The following CPLX1 variants were observed in gnomAD, a reference collection of about 807,000 sequenced individuals.
CPLX1 encodes the protein complexin-1.
CPLX1 carries 6 observed loss-of-function variants against 15.6 expected under a neutral mutation model. The ratio of observed to expected loss-of-function variants is 0.39; its 90% confidence interval spans 0.21 to 0.76. The LOEUF (loss-of-function observed/expected upper bound fraction) is 0.76. Among genes scored for constraint, CPLX1 ranks in the 30% least tolerant of loss-of-function variants. The pLI is 0.43. For missense variants in CPLX1, 242 were observed against 188.6 expected (o/e 1.28, Z -1.66); for synonymous variants, 91 against 75.2 (o/e 1.21, Z -1.08).
chr4:807,796 T>A (rs534072567), intron 2 of CPLX1, among the ~76,000 whole-genome samples: 222 of 152,286 alleles, frequency 1.5e-3, no homozygotes, highest in African/African-American at 4.8e-3. Flanking sequence ...AAATTTTTTT[T>A]AAAACAGAGA....
At position 806,136 on chromosome 4, in the gene CPLX1, T is replaced by A. The variant is rs74434767; in HGVS notation, c.32-13528A>T. On this transcript the variant is annotated intron_variant, in intron 2 of 3. Coordinates refer to ENST00000304062, the MANE Select transcript of CPLX1 (RefSeq NM_006651.4). ...TTTTACCACAAAAAAGAGAAGCATA[T>A]ACCTGACTTCAAACTATACTACAAG... is the stretch of plus-strand genomic sequence containing the variant. Among the ~76,000 whole-genome samples the A allele has an allele frequency of 3.3e-3, 498 of 152,308 alleles. 1 individual carries two copies. Among genetic ancestry groups the A allele is most frequent in the African/African-American group, 0.011 (470 of 41,558 alleles).
intron 2 of CPLX1, among the ~76,000 whole-genome samples, chr4:803,252 C>T (rs935899714): frequency 1.3e-5 from 2 of 152,236 alleles, no homozygotes; most frequent in African/African-American, 2.4e-5. Context: ...TGCGATTCTG[C>T]GCTGTTTCGA....
chr4:811,996 T>C (rs762492805), intron 2 of CPLX1, among the ~76,000 whole-genome samples: 9 of 152,218 alleles, frequency 5.9e-5, no homozygotes, highest in Non-Finnish European at 1.3e-4. Context: ...ATCTCCTTGG[T>C]CTTATATTAA....
At chr4:791,056 T>TC (rs1041947878) in intron 3 of CPLX1, among the ~76,000 whole-genome samples, 87 of 152,144 alleles carry the variant, frequency 5.7e-4, no homozygotes, top group Non-Finnish European at 9.4e-4. Flanking sequence ...TCTCCTCCTG[T>TC]CCCCGTCTCC....
intron 3 of CPLX1, chr4:787,307 C>T: frequency 1.0e-6 from 1 of 985,408 alleles, no homozygotes; most frequent in Non-Finnish European, 1.2e-6. Flanking sequence ...TGCCCTCAGC[C>T]AGTATGCCTG....
chr4:806,639 A>G (rs1442597517), intron 2 of CPLX1, among the ~76,000 whole-genome samples: 1 of 152,252 alleles, frequency 6.6e-6, no homozygotes, highest in African/African-American at 2.4e-5. Flanking sequence ...TTCTCAATCT[A>G]TCCATCTGAC....
intron 2 of CPLX1, among the ~76,000 whole-genome samples, chr4:805,535 C>G (rs1746541302): frequency 6.6e-6 from 1 of 152,242 alleles, no homozygotes; most frequent in Admixed American, 6.5e-5. Flanking sequence ...GCTGTGGAAA[C>G]AGTCTGGCTG....
intron 2 of CPLX1, among the ~76,000 whole-genome samples, chr4:815,358 C>T (rs931416370): frequency 2.2e-5 from 3 of 138,504 alleles, no homozygotes; most frequent in African/African-American, 8.2e-5. Context: ...TTTCAGTGAG[C>T]CGAGATTGTG....
intron 3 of CPLX1, among the ~76,000 whole-genome samples, chr4:791,264 G>A (rs1332157874): frequency 6.6e-6 from 1 of 151,714 alleles, no homozygotes; most frequent in African/African-American, 2.4e-5. Context: ...CCCTGGAAAC[G>A]TCCAGTGACC....
chr4:824,709 C>G (rs771254062), intron 1 of CPLX1, 108 bp from the exon 2 acceptor site: 1 of 720,928 alleles, frequency 1.4e-6, no homozygotes, highest in Admixed American at 2.0e-5. Context: ...GGACCCTCCC[C>G]CACCTGGAGC....
rs547566235 is a variant in CPLX1 at position 793,787 on chromosome 4, C to T, written c.32-1179G>A. Among the ~76,000 whole-genome samples, 130 of 152,366 alleles carry T rather than the reference C, an allele frequency of 8.5e-4. 1 individual carries two copies. The Middle Eastern group carries it at 0.024, about 28-fold the overall frequency. On this transcript the variant is annotated intron_variant, in intron 2 of 3. Coordinates refer to ENST00000304062, the MANE Select transcript of CPLX1 (RefSeq NM_006651.4). Reference sequence around the variant, plus strand: ...AGTGGTGAGGCACTGGCTCTGCCCCCTCCTTGAAGGTCTTGCCTCTGGGCT... The same window carrying T: ...AGTGGTGAGGCACTGGCTCTGCCCCTTCCTTGAAGGTCTTGCCTCTGGGCT...
At chr4:789,641 G>C (rs1746108451) in intron 3 of CPLX1, among the ~76,000 whole-genome samples, 1 of 152,198 alleles carries the variant, frequency 6.6e-6, no homozygotes, top group East Asian at 1.9e-4. Flanking sequence ...TCAGTGCGCG[G>C]AGCACAGCGG....
intron 3 of CPLX1, among the ~76,000 whole-genome samples, chr4:788,823 C>A (rs1415511643): frequency 6.6e-6 from 1 of 152,234 alleles, no homozygotes; most frequent in African/African-American, 2.4e-5. Context: ...GTATCCAGCC[C>A]AGGAGGCTGT....
intron 3 of CPLX1, among the ~76,000 whole-genome samples, chr4:788,892 C>T (rs563250248): frequency 8.1e-4 from 123 of 152,344 alleles, no homozygotes; most frequent in African/African-American, 2.4e-3. Context: ...ATGCCTGTAA[C>T]GGCGGAACAT....
intron 2 of CPLX1, among the ~76,000 whole-genome samples, chr4:808,254 AAATAAAAAT>A (rs903379051): frequency 1.1e-4 from 13 of 123,664 alleles, no homozygotes; most frequent in Non-Finnish European, 2.0e-4. Flanking sequence ...ATAAATAAAT[AAATAAAAAT>A]AAATAAAAAT....
chr4:819,272 G>A (rs1312848781), intron 2 of CPLX1, among the ~76,000 whole-genome samples: 1 of 152,190 alleles, frequency 6.6e-6, no homozygotes, highest in Non-Finnish European at 1.5e-5. Flanking sequence ...TCCCAAGTTG[G>A]GGCTAAAGTA....
chr4:799,244 A>C (rs1746405752), intron 2 of CPLX1, among the ~76,000 whole-genome samples: 1 of 152,236 alleles, frequency 6.6e-6, no homozygotes, highest in South Asian at 2.1e-4. Flanking sequence ...GGCCAAGAGG[A>C]ATCTGGACAG....
intron 3 of CPLX1, chr4:787,069 G>C (rs1746017969): frequency 1.0e-6 from 1 of 985,344 alleles, no homozygotes; most frequent in Non-Finnish European, 1.2e-6. Context: ...AGGATGCTGC[G>C]TGGCAGAGGT....
At chr4:809,969 GCACACGGCTC>G (rs907328785) in intron 2 of CPLX1, among the ~76,000 whole-genome samples, 4 of 151,998 alleles carry the variant, frequency 2.6e-5, no homozygotes, top group African/African-American at 9.7e-5. Flanking sequence ...CGGTGTGGAT[GCACACGGCTC>G]CTTCACCCGC....
Sources: gnomAD v4.1 joint callset for allele counts (sites outside exome capture counted in the v4.1 genomes callset) on GRCh38, gnomAD v4.1.1 for gene constraint, MANE v1.5 for transcripts, NCBI Gene and HGNC (gene_info 2026-07-23, HGNC 2026-07-21) for gene names.